SPCS3: variants seen among roughly 807,000 people sequenced by gnomAD.
SPCS3 encodes the protein signal peptidase complex subunit 3, also known as SPase 22 kDa subunit.
In SPCS3, 9 loss-of-function variants were observed where a neutral mutation model predicts 17.2. That is an observed-to-expected ratio of 0.52 (90% CI 0.31 to 0.91). The LOEUF (loss-of-function observed/expected upper bound fraction) is 0.91. SPCS3 is among the 40% of genes least tolerant of loss of function. The pLI, the probability that SPCS3 is intolerant of heterozygous loss-of-function variation, is 0.04. For synonymous variants in SPCS3, 87 were observed against 89.6 expected (o/e 0.97, Z 0.16); for missense variants, 139 against 217.5 (o/e 0.64, Z 2.27).
In SPCS3 at chr4:176,324,498, G is replaced by T. The variant is rs1199870724; in HGVS notation, c.294+241G>T. ...TAGCTCTCTAGCATTGGGGTCTCCA[G>T]AATGGAGACTTGCTATATGAACAGA... On this transcript the variant is annotated intron_variant, in intron 3 of 4. Transcript: ENST00000503362. Among the ~76,000 whole-genome samples the T allele has an allele frequency of 2.0e-5, 3 of 152,174 alleles. No individual in the cohort carries two copies. In the South Asian group the frequency reaches 6.2e-4, roughly 32 times the overall value.
chr4:176,329,257 C>T lies in SPCS3; in HGVS notation c.*927C>T, dbSNP rs908309772. Reference sequence around the variant, plus strand: ...CTCATATACTTTAGTGTATGTCATCCTCAATAATCTAATGAGGTAAGTAGT... The same window carrying T: ...CTCATATACTTTAGTGTATGTCATCTTCAATAATCTAATGAGGTAAGTAGT... On this transcript the variant is annotated 3_prime_UTR_variant, in exon 5 of 5. Transcript: ENST00000503362. The T allele has an allele frequency of 2.0e-5, 3 of 151,988 alleles. No individual in the cohort carries two copies. Among genetic ancestry groups the T allele is most frequent in the African/African-American group, 7.2e-5 (3 of 41,410 alleles). 9.4% of individuals were successfully genotyped at this position (151,988 alleles called of 1,614,324 possible).
chr4:176,322,905 T>G (rs1731556963), intron 2 of SPCS3, among the ~76,000 whole-genome samples: 1 of 152,158 alleles, frequency 6.6e-6, no homozygotes, highest in Non-Finnish European at 1.5e-5. Flanking sequence ...GTTAATATCT[T>G]GGCAATGTTC....
rs1731692345 is a variant in SPCS3, at chr4:176,331,857, A to T, written c.*3527A>T. 1 of 152,130 alleles carries T rather than the reference A, an allele frequency of 6.6e-6. No individual in the cohort carries two copies. The highest frequency in any genetic ancestry group is 2.4e-5 in the African/African-American group (1 of 41,426). 9.4% of individuals were successfully genotyped at this position (152,130 alleles called of 1,614,324 possible). A position where few individuals can be genotyped will look rare whatever the true frequency, so the allele number is the denominator to read the frequency against. On this transcript the variant is annotated 3_prime_UTR_variant, in exon 5 of 5. Transcript: ENST00000503362. The stretch of plus-strand genomic sequence containing the variant: ...ACCTGCCTCGGCCTCCCAAAGTGTT[A>T]GGATAACAGGTGTGAGCCACCGTGC...
At position 176,322,149 on chromosome 4, in the gene SPCS3, A is replaced by C. The variant is rs764938497; in HGVS notation, c.144-21A>C. 7 of 1,525,020 alleles carry C rather than the reference A, an allele frequency of 4.6e-6. No individual in the cohort carries two copies. The African/African-American group carries it at 9.6e-5, about 21-fold the overall frequency. The allele number at this position is 1,525,020 out of a possible 1,614,324, so 94.5% of individuals were successfully genotyped here. ...GTATGTTCTGTTGGAAGGATGGTAA[A>C]ACTTTTATCTTTATTCCTAGAAAAA... On this transcript the variant is annotated intron_variant, in intron 1 of 4. Coordinates refer to ENST00000503362, the MANE Select transcript of SPCS3 (RefSeq NM_021928.4).
intron 1 of SPCS3, chr4:176,321,913 T>G: frequency 3.4e-6 from 1 of 290,830 alleles, no homozygotes; most frequent in Non-Finnish European, 6.4e-6. Flanking sequence ...TACTATTCTT[T>G]TTAGCAGTTT....
Position 176,327,481 on chromosome 4 carries a change from A to G in SPCS3, c.410+204A>G, listed in dbSNP as rs571151783. On this transcript the variant is annotated intron_variant, in intron 4 of 4. Coordinates refer to ENST00000503362, the MANE Select transcript of SPCS3 (RefSeq NM_021928.4). Reference sequence around the variant, plus strand: ...ATTCTCTTGCAGTTTCTGAAATGTCATAGTCAAACTAATAAAGCTTCTATC... The same window carrying G: ...ATTCTCTTGCAGTTTCTGAAATGTCGTAGTCAAACTAATAAAGCTTCTATC... 9 of 365,680 alleles carry G rather than the reference A, an allele frequency of 2.5e-5. 1 individual carries two copies. The highest frequency in any genetic ancestry group is 6.4e-5 in the African/African-American group (3 of 46,990). 22.7% of individuals were successfully genotyped at this position (365,680 alleles called of 1,614,324 possible). A position where few individuals can be genotyped will look rare whatever the true frequency, so the allele number is the denominator to read the frequency against.
At chr4:176,325,526 T>C (rs56247682) in intron 3 of SPCS3, among the ~76,000 whole-genome samples, 5,924 of 151,490 alleles carry the variant, frequency 0.039, 164 homozygotes, top group African/African-American at 0.08. Flanking sequence ...TCTGAGATTA[T>C]TTTAAAATCC....
intron 4 of SPCS3, 185 bp downstream of exon 4, chr4:176,327,462 T>G (rs1253763808): frequency 2.9e-5 from 12 of 408,684 alleles, no homozygotes; most frequent in Admixed American, 8.4e-5. Context: ...AGCAATTCTC[T>G]TGCAGTTTCT....
chr4:176,327,000 G>A (rs1731616149), intron 3 of SPCS3, 162 bp from the exon 4 acceptor site: 2 of 459,282 alleles, frequency 4.4e-6, no homozygotes, highest in African/African-American at 2.1e-5. Flanking sequence ...CCCCTTTTTT[G>A]TATCTCTCTC....
intron 3 of SPCS3, 51 bp downstream of exon 3, chr4:176,324,308 T>A: frequency 1.2e-6 from 1 of 832,258 alleles, no homozygotes; most frequent in Non-Finnish European, 1.7e-6. Context: ...AGTCTTACTC[T>A]TTACGAAAGA....
In SPCS3 at chr4:176,329,684, A is replaced by G. The variant is rs540935812; in HGVS notation, c.*1354A>G. 9 of 152,258 alleles carry G rather than the reference A, an allele frequency of 5.9e-5. No homozygotes were observed. Among genetic ancestry groups the G allele is most frequent in the Non-Finnish European group, 1.2e-4 (8 of 67,982 alleles). The allele number at this position is 152,258 out of a possible 1,614,324, so 9.4% of individuals were successfully genotyped here. ...AATACATGATTGAATACATGATCGTATTTAACATGTTTTTTTTTTCTGCAG... is the reference window on the plus strand; with the variant it reads ...AATACATGATTGAATACATGATCGTGTTTAACATGTTTTTTTTTTCTGCAG... On this transcript the variant is annotated 3_prime_UTR_variant, in exon 5 of 5. Transcript: ENST00000503362.
intron 3 of SPCS3, among the ~76,000 whole-genome samples, chr4:176,325,652 TG>T (rs1731596649): frequency 6.6e-6 from 1 of 152,140 alleles, no homozygotes; most frequent in Non-Finnish European, 1.5e-5. Flanking sequence ...CCTTACCTAT[TG>T]AGAACAATTT....
At chr4:176,327,896 C>G (rs1306770519) in intron 4 of SPCS3, among the ~76,000 whole-genome samples, 1 of 152,162 alleles carries the variant, frequency 6.6e-6, no homozygotes. Context: ...ATTCTTAGCT[C>G]GTCTCTTTTT....
chr4:176,322,166 C>G lies in SPCS3; in HGVS notation c.144-4C>G. 6.3e-7 allele frequency: 1 copy of G among 1,585,950 alleles called. No homozygotes were observed. The highest frequency in any genetic ancestry group is 8.6e-7 in the Non-Finnish European group (1 of 1,156,326). ...GATGGTAAAACTTTTATCTTTATTC[C>G]TAGAAAAAATGTAGAAGATTTCACT... On this transcript the variant is annotated splice_region_variant and splice_polypyrimidine_tract_variant and intron_variant, in intron 1 of 4. Coordinates refer to ENST00000503362, the MANE Select transcript of SPCS3 (RefSeq NM_021928.4).
At position 176,328,436 on chromosome 4, in the gene SPCS3, GTTTTTTTTTTTTTT is replaced by G; in HGVS notation, c.*112_*125del. On this transcript the variant is annotated 3_prime_UTR_variant, in exon 5 of 5. Transcript: ENST00000503362. ...TTGTTGGTTTGTTTTTTGGTTTTGG[GTTTTTTTTTTTTTT>G]TTTTTGGTATAAGAACTAACATCAA... The G allele has an allele frequency of 1.7e-5, 8 of 474,418 alleles. No homozygotes were observed. The highest frequency in any genetic ancestry group is 2.4e-5 in the Non-Finnish European group (8 of 331,236). The allele number at this position is 474,418 out of a possible 1,614,324, so 29.4% of individuals were successfully genotyped here.
rs972127106 is a variant in SPCS3 at position 176,330,378 on chromosome 4, A to G, written c.*2048A>G. On this transcript the variant is annotated 3_prime_UTR_variant, in exon 5 of 5. Coordinates refer to ENST00000503362, the MANE Select transcript of SPCS3 (RefSeq NM_021928.4). ...TGCAGTCTTAACCAGACCTGGTACC[A>G]GTTTAACAGTTCATGATACTTCTGT... 5.3e-5 allele frequency: 8 copies of G among 152,334 alleles called. No individual in the cohort carries two copies. Among genetic ancestry groups the G allele is most frequent in the African/African-American group, 1.9e-4 (8 of 41,582 alleles). The allele number at this position is 152,334 out of a possible 1,614,324, so 9.4% of individuals were successfully genotyped here.
chr4:176,328,513 A>G lies in SPCS3; in HGVS notation c.*183A>G, dbSNP rs1044146225. The G allele has an allele frequency of 1.1e-5, 4 of 371,870 alleles. No homozygotes were observed. The highest frequency in any genetic ancestry group is 8.5e-5 in the African/African-American group (4 of 46,992). 23.0% of individuals were successfully genotyped at this position (371,870 alleles called of 1,614,324 possible). Reference sequence around the variant, plus strand: ...AAGGGAAAGGTTAATGGGCTACTTAATATTATGAACAAAACAAAAAAACAA... The same window carrying G: ...AAGGGAAAGGTTAATGGGCTACTTAGTATTATGAACAAAACAAAAAAACAA... On this transcript the variant is annotated 3_prime_UTR_variant, in exon 5 of 5. Transcript: ENST00000503362.
chr4:176,328,367 A>T lies in SPCS3; in HGVS notation c.*37A>T, dbSNP rs1434843781. The T allele has an allele frequency of 6.6e-7, 1 of 1,505,064 alleles. No homozygotes were observed. Among genetic ancestry groups the T allele is most frequent in the Non-Finnish European group, 9.0e-7 (1 of 1,115,438 alleles). The allele number at this position is 1,505,064 out of a possible 1,614,324, so 93.2% of individuals were successfully genotyped here. On this transcript the variant is annotated 3_prime_UTR_variant, in exon 5 of 5. Coordinates refer to ENST00000503362, the MANE Select transcript of SPCS3 (RefSeq NM_021928.4). ...TTTGAAACAACATATTTTTATACTTAATGAATTGTATCTCATTAATCTCTT... is the reference window on the plus strand; with the variant it reads ...TTTGAAACAACATATTTTTATACTTTATGAATTGTATCTCATTAATCTCTT...
chr4:176,329,005 G>C lies in SPCS3; in HGVS notation c.*675G>C, dbSNP rs987926821. On this transcript the variant is annotated 3_prime_UTR_variant, in exon 5 of 5. Coordinates refer to ENST00000503362, the MANE Select transcript of SPCS3 (RefSeq NM_021928.4). The stretch of plus-strand genomic sequence containing the variant: ...AAAATCTTTTAGGTCAGCAAAATGT[G>C]TGTCTTCAGTGCTTTCTCTAAAAAC... 2 of 151,792 alleles carry C rather than the reference G, an allele frequency of 1.3e-5. No individual in the cohort carries two copies. The highest frequency in any genetic ancestry group is 4.8e-5 in the African/African-American group (2 of 41,350). 9.4% of individuals were successfully genotyped at this position (151,792 alleles called of 1,614,324 possible).
Sources: allele counts gnomAD v4.1 joint callset (sites outside exome capture counted in the v4.1 genomes callset), GRCh38; gene constraint gnomAD v4.1.1; transcripts MANE v1.5; gene names NCBI Gene and HGNC (gene_info 2026-07-23, HGNC 2026-07-21).